CCDC190: variants seen among roughly 807,000 people sequenced by gnomAD.
The protein encoded by CCDC190 is coiled-coil domain-containing protein 190.
Under a neutral mutation model 13.1 loss-of-function variants are expected in CCDC190, and 10 were observed. The ratio of observed to expected loss-of-function variants is 0.77; its 90% CI spans 0.47 to 1.30. The LOEUF (loss-of-function observed/expected upper bound fraction) is 1.30, where lower values mean the gene tolerates loss of function less well. Ranked by LOEUF, CCDC190 falls within the 50% of genes most tolerant of loss-of-function variation. The pLI is 0.00. For missense variants in CCDC190, 375 were observed against 354.3 expected, an observed-to-expected ratio of 1.06 and a Z score of -0.47; for synonymous variants, 136 against 127.2, an observed-to-expected ratio of 1.07 and a Z score of -0.47.
intron 1 of CCDC190, among the ~76,000 whole-genome samples, chr1:162,866,258 C>T (rs144123971): frequency 0.028 from 4,290 of 152,066 alleles, 98 homozygotes; most frequent in Non-Finnish European, 0.042. Context: ...GTTAAGAGTT[C>T]GAGACCAGCC....
chr1:162,851,766 A>G lies in CCDC190; in HGVS notation c.*2999T>C, dbSNP rs1650115923. 6.7e-6 allele frequency: 1 copy of G among 148,400 alleles called. No homozygotes were observed. Among genetic ancestry groups the G allele is most frequent in the Non-Finnish European group, 1.5e-5 (1 of 66,570 alleles). 9.2% of individuals were successfully genotyped at this position (148,400 alleles called of 1,614,324 possible). A position where few individuals can be genotyped will look rare whatever the true frequency, so the allele number is the denominator to read the frequency against. ...ATGAATGAATGAATGAATGAATGTA[A>G]TAAAAAATGTTTCCTCAAAATTGAA... is the stretch of plus-strand genomic sequence containing the variant. On this transcript the variant is annotated 3_prime_UTR_variant, in exon 4 of 4. Transcript: ENST00000367912.
rs1650198439 is a variant in CCDC190 at position 162,853,955 on chromosome 1, G to A, written c.*810C>T. Among the ~76,000 whole-genome samples the A allele has an allele frequency of 6.6e-6, 1 of 152,172 alleles. No homozygotes were observed. Among genetic ancestry groups the A allele is most frequent in the African/African-American group, 2.4e-5 (1 of 41,432 alleles). Reference sequence around the variant, plus strand: ...TTTTAGAGTGATATTTGGGTCTGTTGGATGGGAAACAAAATCTAATCGATT... The same window carrying A: ...TTTTAGAGTGATATTTGGGTCTGTTAGATGGGAAACAAAATCTAATCGATT... On this transcript the variant is annotated 3_prime_UTR_variant, in exon 4 of 4. Coordinates refer to ENST00000367912, the MANE Select transcript of CCDC190 (RefSeq NM_001394065.1).
Position 162,859,631 on chromosome 1 carries a change from C to T in CCDC190, c.16G>A (p.Val6Ile), listed in dbSNP as rs1217750657. Residue 6 changes from valine (V) to isoleucine (I), a missense_variant, in exon 2 of 4, where the codon GTC becomes ATC. Physicochemically the swap from Val to Ile is conservative, Grantham distance 29. Coordinates refer to ENST00000367912, the MANE Select transcript of CCDC190 (RefSeq NM_001394065.1). MERHM[V>I]RGQLYKHFDL... is the part of the protein sequence containing the mutation. Reference sequence around the variant, plus strand: ...AAATGCTTATACAATTGTCCCCTGACCATGTGCCTCTCCATCTTCTTTATG... The same window carrying T: ...AAATGCTTATACAATTGTCCCCTGATCATGTGCCTCTCCATCTTCTTTATG... The T allele has an allele frequency of 1.9e-6, 3 of 1,613,396 alleles. No individual in the cohort carries two copies. Among genetic ancestry groups the T allele is most frequent in the South Asian group, 1.1e-5 (1 of 90,934 alleles).
chr1:162,861,757 T>C (rs952813677), upstream of CCDC190, among the ~76,000 whole-genome samples: 1 of 152,188 alleles, frequency 6.6e-6, no homozygotes, highest in Non-Finnish European at 1.5e-5. Flanking sequence ...GCAGAGCTAT[T>C]GTTTATATAA....
rs189521047 is a variant in CCDC190, at chr1:162,851,153, G to C, written c.*3612C>G. On this transcript the variant is annotated 3_prime_UTR_variant, in exon 4 of 4. Coordinates refer to ENST00000367912, the MANE Select transcript of CCDC190 (RefSeq NM_001394065.1). ...CTTCTGTTCTACTGCAGTGGCCTCAGGCAGAAAAGGAGGACCTGGCTGCCC... is the reference window on the plus strand; with the variant it reads ...CTTCTGTTCTACTGCAGTGGCCTCACGCAGAAAAGGAGGACCTGGCTGCCC... Among the ~76,000 whole-genome samples the C allele has an allele frequency of 5.3e-5, 8 of 152,200 alleles. No homozygotes were observed. The highest frequency in any genetic ancestry group is 4.6e-4 in the Admixed American group (7 of 15,298).
At chr1:162,858,544 C>A (rs1459981462) in intron 2 of CCDC190, among the ~76,000 whole-genome samples, 2 of 152,170 alleles carry the variant, frequency 1.3e-5, no homozygotes, top group Non-Finnish European at 2.9e-5. Flanking sequence ...TACTCTTGGC[C>A]TTTATGTCAT....
chr1:162,861,556 G>T (rs1041701319), upstream of CCDC190, among the ~76,000 whole-genome samples: 1 of 151,694 alleles, frequency 6.6e-6, no homozygotes, highest in Non-Finnish European at 1.5e-5. Context: ...TTCACACTTC[G>T]TGCAGGAGAG....
chr1:162,860,010 A>C (rs1650448309), intron 1 of CCDC190, among the ~76,000 whole-genome samples: 1 of 151,670 alleles, frequency 6.6e-6, no homozygotes, highest in Non-Finnish European at 1.5e-5. Flanking sequence ...TTATTTACCC[A>C]ATAAGAAAAG....
At chr1:162,861,555 C>T (rs944337556), upstream of CCDC190, among the ~76,000 whole-genome samples, 4 of 152,216 alleles carry the variant, frequency 2.6e-5, no homozygotes, top group South Asian at 4.1e-4. Context: ...GTTCACACTT[C>T]GTGCAGGAGA....
In CCDC190 at chr1:162,854,675, G is replaced by A; in HGVS notation, c.*90C>T. The A allele has an allele frequency of 1.4e-6, 2 of 1,469,934 alleles. No homozygotes were observed. The highest frequency in any genetic ancestry group is 1.8e-6 in the Non-Finnish European group (2 of 1,112,370). The allele number at this position is 1,469,934 out of a possible 1,614,324, so 91.1% of individuals were successfully genotyped here. A position where few individuals can be genotyped will look rare whatever the true frequency, so the allele number is the denominator to read the frequency against. On this transcript the variant is annotated 3_prime_UTR_variant, in exon 4 of 4. Transcript: ENST00000367912. ...AATTGTAATTCAATTATGTTTGTTT[G>A]TTTTTCTCTGTATTGCTTAATATAG...
chr1:162,859,713 A>C, intron 1 of CCDC190, 55 bp from the exon 2 acceptor site: 1 of 1,429,158 alleles, frequency 7.0e-7, no homozygotes, highest in Non-Finnish European at 9.5e-7. Context: ...TGGGATACTG[A>C]CCCCGGCTTT....
chr1:162,862,601 C>G (rs754297061), upstream of CCDC190, among the ~76,000 whole-genome samples: 1 of 152,104 alleles, frequency 6.6e-6, no homozygotes, highest in Non-Finnish European at 1.5e-5. Context: ...CCACACATCT[C>G]GAAAGCAGAG....
chr1:162,861,840 G>C (rs975391179), upstream of CCDC190, among the ~76,000 whole-genome samples: 1 of 152,156 alleles, frequency 6.6e-6, no homozygotes, highest in African/African-American at 2.4e-5. Context: ...ATATGCCACA[G>C]TCTAAATAGA....
At chr1:162,857,657 C>G (rs1385353343) in intron 2 of CCDC190, among the ~76,000 whole-genome samples, 1 of 152,126 alleles carries the variant, frequency 6.6e-6, no homozygotes. Context: ...TAAGATTCTG[C>G]TCACATACTG....
At chr1:162,857,629 C>G (rs1468483541) in intron 2 of CCDC190, among the ~76,000 whole-genome samples, 4 of 152,156 alleles carry the variant, frequency 2.6e-5, no homozygotes, top group Non-Finnish European at 5.9e-5. Flanking sequence ...CGCCCTTTCC[C>G]CCATTTTCCT....
At position 162,853,107 on chromosome 1, in the gene CCDC190, C is replaced by A; in HGVS notation, c.*1658G>T. On this transcript the variant is annotated 3_prime_UTR_variant, in exon 4 of 4. Transcript: ENST00000367912. ...AGAAAGTGTTGGAGGAAGCAGATTT[C>A]TTGTGTTCCTTTCACTATAAAGTAT... The A allele has an allele frequency of 6.5e-7, 1 of 1,550,020 alleles. No individual in the cohort carries two copies. Among genetic ancestry groups the A allele is most frequent in the Non-Finnish European group, 8.7e-7 (1 of 1,146,272 alleles).
Position 162,854,410 on chromosome 1 carries a change from G to T in CCDC190, c.*355C>A. 9.6e-7 allele frequency: 1 copy of T among 1,044,274 alleles called. No homozygotes were observed. The highest frequency in any genetic ancestry group is 1.2e-6 in the Non-Finnish European group (1 of 866,144). The allele number at this position is 1,044,274 out of a possible 1,614,324, so 64.7% of individuals were successfully genotyped here. ...CTAAAACAGAGAGAATAGCTATGCC[G>T]TTTTGCCAGCAGGTGGCACCATGAG... On this transcript the variant is annotated 3_prime_UTR_variant, in exon 4 of 4. Transcript: ENST00000367912.
Position 162,859,453 on chromosome 1 carries a change from G to T in CCDC190, c.187+7C>A. 6.2e-7 allele frequency: 1 copy of T among 1,611,822 alleles called. No individual in the cohort carries two copies. The highest frequency in any genetic ancestry group is 8.5e-7 in the Non-Finnish European group (1 of 1,178,884). On this transcript the variant is annotated splice_region_variant and intron_variant, in intron 2 of 3. Transcript: ENST00000367912. ...GGCATCCTCCTCACCAGTCCTGAAA[G>T]TCTTACCTTGCTGCAACCTCTGCAG... is the stretch of plus-strand genomic sequence containing the variant.
In CCDC190 at chr1:162,854,328, A is replaced by G. The variant is rs1650208623; in HGVS notation, c.*437T>C. ...AAAGAGCAGATTTTCTTTATAGACC[A>G]TGTTACAGTACCTATTTACAATCAC... On this transcript the variant is annotated 3_prime_UTR_variant, in exon 4 of 4. Coordinates refer to ENST00000367912, the MANE Select transcript of CCDC190 (RefSeq NM_001394065.1). 1 of 989,302 alleles carries G rather than the reference A, an allele frequency of 1.0e-6. No individual in the cohort carries two copies. The highest frequency in any genetic ancestry group is 1.2e-6 in the Non-Finnish European group (1 of 832,366). The allele number at this position is 989,302 out of a possible 1,614,324, so 61.3% of individuals were successfully genotyped here. A position where few individuals can be genotyped will look rare whatever the true frequency, so the allele number is the denominator to read the frequency against.
Sources: gnomAD v4.1 joint callset for allele counts (sites outside exome capture counted in the v4.1 genomes callset) on GRCh38, gnomAD v4.1.1 for gene constraint, MANE v1.5 for transcripts, NCBI Gene and HGNC (gene_info 2026-07-23, HGNC 2026-07-21) for gene names.